The following DCAF8L2 variants were observed in gnomAD, a reference collection of about 807,000 sequenced individuals.
The protein encoded by DCAF8L2 is DDB1 and CUL4 associated factor 8 like 2, also known as DDB1- and CUL4-associated factor 8-like protein 2.
For synonymous variants in DCAF8L2, 200 were observed against 190.9 expected (o/e 1.05, Z -0.39); for missense variants, 430 against 490.7 (o/e 0.88, Z 1.17).
chrX:27,492,969 C>T, the DCAF8L2 span, among the ~76,000 whole-genome samples: 320 of 111,144 alleles, frequency 2.9e-3, 1 homozygote, highest in African/African-American at 9.4e-3. Flanking sequence ...CAGTGTCTCA[C>T]GCCTGTAATC....
chrX:27,670,034 T>C (rs903729950), intron 2 of DCAF8L2, among the ~76,000 whole-genome samples: 1 of 111,527 alleles, frequency 9.0e-6, no homozygotes, highest in Non-Finnish European at 1.9e-5. Context: ...TTCTATAACC[T>C]ACCCAATATT....
chrX:27,639,699 AT>A (rs1928632300), intron 2 of DCAF8L2, among the ~76,000 whole-genome samples: 1 of 111,237 alleles, frequency 9.0e-6, no homozygotes, highest in Non-Finnish European at 1.9e-5. Context: ...TTCAATTTAC[AT>A]TTTTTAAATT....
intron 1 of DCAF8L2, among the ~76,000 whole-genome samples, chrX:27,612,573 T>G (rs932546390): frequency 8.9e-6 from 1 of 112,113 alleles, no homozygotes; most frequent in Non-Finnish European, 1.9e-5. Flanking sequence ...GTTTCTATGG[T>G]TTTAGGTCTA....
chrX:27,497,030 A>T, the DCAF8L2 span, among the ~76,000 whole-genome samples: 5 of 111,807 alleles, frequency 4.5e-5, no homozygotes, highest in Non-Finnish European at 9.4e-5. Context: ...TAAATTAGTG[A>T]TTTCCATGGG....
At chrX:27,543,568 TG>T in the DCAF8L2 span, among the ~76,000 whole-genome samples, 1 of 111,900 alleles carries the variant, frequency 8.9e-6, no homozygotes, top group Non-Finnish European at 1.9e-5. Flanking sequence ...TTTATCCTTC[TG>T]GGTATGGGAG....
intron 4 of DCAF8L2, among the ~76,000 whole-genome samples, chrX:27,732,024 A>T (rs936893515): frequency 2.7e-5 from 3 of 111,061 alleles, no homozygotes; most frequent in African/African-American, 9.8e-5. Context: ...TTTTTATTGT[A>T]TATATTTCAG....
the DCAF8L2 span, among the ~76,000 whole-genome samples, chrX:27,497,723 C>T: frequency 6.3e-5 from 7 of 111,021 alleles, no homozygotes; most frequent in East Asian, 2.8e-4. Flanking sequence ...CGCGCACCAC[C>T]GCGCCCGGCT....
chrX:27,607,249 G>A (rs1926950620), intron 1 of DCAF8L2, among the ~76,000 whole-genome samples: 1 of 111,970 alleles, frequency 8.9e-6, no homozygotes, highest in Non-Finnish European at 1.9e-5. Flanking sequence ...CCATACAGCA[G>A]AATGGAAAAT....
the DCAF8L2 span, chrX:27,519,123 A>G: frequency 9.0e-7 from 1 of 1,114,676 alleles, no homozygotes; most frequent in African/African-American, 1.8e-5. Flanking sequence ...GGGCACAATT[A>G]CAGAATGAAA....
chrX:27,536,727 A>G, the DCAF8L2 span, among the ~76,000 whole-genome samples: 1 of 110,833 alleles, frequency 9.0e-6, no homozygotes, highest in Non-Finnish European at 1.9e-5. Flanking sequence ...AGCCCACCAT[A>G]CATGAACCGA....
chrX:27,668,317 C>T (rs111624836), intron 2 of DCAF8L2, among the ~76,000 whole-genome samples: 1,918 of 111,523 alleles, frequency 0.017, 43 homozygotes, highest in African/African-American at 0.058. Context: ...GATGAGGATT[C>T]GTATGAAAGT....
the DCAF8L2 span, among the ~76,000 whole-genome samples, chrX:27,516,446 T>A: frequency 1.6e-5 from 1 of 60,824 alleles, no homozygotes; most frequent in African/African-American, 6.3e-5. Context: ...AAGGTTAGCA[T>A]CTCTCTCTCA....
At chrX:27,702,074 T>G (rs939988873) in intron 3 of DCAF8L2, among the ~76,000 whole-genome samples, 3 of 111,087 alleles carry the variant, frequency 2.7e-5, no homozygotes, top group Admixed American at 9.7e-5. Flanking sequence ...AAGAAAATAA[T>G]GTGAATAACT....
At chrX:27,522,791 T>G in the DCAF8L2 span, among the ~76,000 whole-genome samples, 1 of 112,001 alleles carries the variant, frequency 8.9e-6, no homozygotes, top group Non-Finnish European at 1.9e-5. Flanking sequence ...GCATTTTTCA[T>G]TTTATTTCTT....
At chrX:27,482,844 A>G in the DCAF8L2 span, among the ~76,000 whole-genome samples, 7 of 111,528 alleles carry the variant, frequency 6.3e-5, no homozygotes, top group Non-Finnish European at 1.9e-5. Flanking sequence ...AGATAAGATA[A>G]TCTGTTATTT....
At chrX:27,540,807 A>C in the DCAF8L2 span, among the ~76,000 whole-genome samples, 3 of 111,659 alleles carry the variant, frequency 2.7e-5, no homozygotes, top group African/African-American at 9.8e-5. Context: ...CATTGTGTAC[A>C]TGTACTGAAA....
chrX:27,655,043 G>A (rs2147205089), intron 2 of DCAF8L2, among the ~76,000 whole-genome samples: 1 of 110,895 alleles, frequency 9.0e-6, no homozygotes, highest in Non-Finnish European at 1.9e-5. Flanking sequence ...AAGCTCTAGA[G>A]TTCATCTACC....
chrX:27,584,300 A>C, the DCAF8L2 span, among the ~76,000 whole-genome samples: 5 of 110,811 alleles, frequency 4.5e-5, no homozygotes, highest in African/African-American at 1.6e-4. Context: ...GTTTATACAC[A>C]CACACACACA....
the DCAF8L2 span, among the ~76,000 whole-genome samples, chrX:27,528,476 G>GTGTATATA: frequency 5.0e-3 from 414 of 83,422 alleles, 3 homozygotes; most frequent in African/African-American, 0.017. Context: ...ATGTGTATGT[G>GTGTATATA]TATATATATA....
Sources: gnomAD v4.1 joint callset for allele counts (sites outside exome capture counted in the v4.1 genomes callset) on GRCh38, gnomAD v4.1.1 for gene constraint, MANE v1.5 for transcripts, NCBI Gene and HGNC (gene_info 2026-07-23, HGNC 2026-07-21) for gene names.